The following STAB1 variants were observed in gnomAD, a reference collection of about 807,000 sequenced individuals.
STAB1 encodes stabilin 1.
In STAB1, 250 loss-of-function variants were observed where a neutral mutation model predicts 332.4. The ratio of observed to expected loss-of-function variants is 0.75; its 90% CI spans 0.68 to 0.84. The LOEUF (loss-of-function observed/expected upper bound fraction) is 0.84. Among genes scored for constraint, STAB1 ranks in the 40% least tolerant of loss-of-function variants. STAB1 has a pLI of 0.00. For missense variants in STAB1, 3,249 were observed against 3,489.7 expected, an observed-to-expected ratio of 0.93 and a Z score of 1.74; for synonymous variants, 1,475 against 1,390.4, an observed-to-expected ratio of 1.06 and a Z score of -1.35.
chr3:52,517,702 C>A, intron 44 of STAB1, 78 bp downstream of exon 44: 1 of 1,571,282 alleles, frequency 6.4e-7, no homozygotes, highest in Non-Finnish European at 8.7e-7. Flanking sequence ...TTCTCACCTC[C>A]AGCAGGGTCC....
In STAB1 at chr3:52,505,943, G is replaced by A; in HGVS notation, c.1749+7G>A. The A allele has an allele frequency of 1.9e-6, 3 of 1,613,508 alleles. No homozygotes were observed. The highest frequency in any genetic ancestry group is 2.2e-5 in the South Asian group (2 of 91,082). On this transcript the variant is annotated splice_region_variant and intron_variant, in intron 16 of 68. Coordinates refer to ENST00000321725, the MANE Select transcript of STAB1 (RefSeq NM_015136.3). Reference sequence around the variant, plus strand: ...CATCTACAACCACGGCCAGGTGCGAGGTCTTTTTCTGGGGGGCGGCCAGCT... The same window carrying A: ...CATCTACAACCACGGCCAGGTGCGAAGTCTTTTTCTGGGGGGCGGCCAGCT...
Position 52,512,407 on chromosome 3 carries a change from G to A in STAB1, c.2950G>A (p.Gly984Ser). Residue 984 changes from glycine (G) to serine (S), a missense_variant, in exon 27 of 69, where the codon GGC becomes AGC. Physicochemically the swap from Gly to Ser is moderately conservative, Grantham distance 56. Transcript: ENST00000321725. ...CTCPPGFGGD[G>S]FSCYGDIFRE... is the part of the protein sequence containing the mutation. ...GTGCCCCCCTGGCTTTGGGGGTGAT[G>A]GCTTCAGCTGTTATGGAGACATCTT... The A allele has an allele frequency of 6.2e-7, 1 of 1,610,168 alleles. No homozygotes were observed. The highest frequency in any genetic ancestry group is 8.5e-7 in the Non-Finnish European group (1 of 1,178,790).
chr3:52,498,246 A>G (rs949407939), intron 1 of STAB1, among the ~76,000 whole-genome samples: 1 of 152,160 alleles, frequency 6.6e-6, no homozygotes, highest in Non-Finnish European at 1.5e-5. Context: ...AGACATTGCA[A>G]AATCAGGTCT....
chr3:52,515,114 C>T, intron 36 of STAB1, 69 bp downstream of exon 36: 1 of 1,563,510 alleles, frequency 6.4e-7, no homozygotes, highest in Middle Eastern at 1.7e-4. Flanking sequence ...GTGCCCAATC[C>T]CCTCACCCTC....
rs1484430231 is a variant in STAB1, at chr3:52,507,658, C to T, written c.2035C>T (p.Pro679Ser). The T allele has an allele frequency of 6.2e-7, 1 of 1,613,530 alleles. No individual in the cohort carries two copies. Among genetic ancestry groups the T allele is most frequent in the Non-Finnish European group, 8.5e-7 (1 of 1,180,016 alleles). The change falls in exon 19 of 69, where the codon CCC becomes TCC. Residue 679 changes from proline to serine, a missense_variant. Pro to Ser is a moderately conservative substitution (Grantham distance 74). Transcript: ENST00000321725. ...CQALNTSTCP[P>S]NSVKLDIFPK... is the part of the protein sequence containing the mutation. ...AGCCCTGAACACCAGCACGTGTCCC[C>T]CCAACAGTGTGAAGCTGGTGAGCAC...
chr3:52,523,436 G>A lies in STAB1; in HGVS notation c.7150G>A (p.Gly2384Ser). Residue 2384 changes from glycine (G) to serine (S), a missense_variant, in exon 65 of 69, where the codon GGC becomes AGC. Transcript: ENST00000321725. ...CTTGCTCTGCTCACAGACGCTGAGT[G>A]GCCCAGACTTGGAGCTGCATGCCTC... ...EGFVDNMTLS[G>S]PDLELHASNA... 6.2e-7 allele frequency: 1 copy of A among 1,608,692 alleles called. No individual in the cohort carries two copies. Among genetic ancestry groups the A allele is most frequent in the Non-Finnish European group, 8.5e-7 (1 of 1,177,060 alleles).
Position 52,513,973 on chromosome 3 carries a change from T to G in STAB1, c.3439T>G (p.Leu1147Val). ...LVPAFSLFRE[L>V]LQHHGLVPQI... is the part of the protein sequence containing the mutation. ...GCCTGCCTTCAGCCTCTTCCGGGAA[T>G]TGCTGCAGGTACGGAAGGCTGGCAA... The change falls in exon 32 of 69, where the codon TTG (leucine) becomes GTG (valine). Residue 1147 changes from leucine to valine, a missense_variant. Transcript: ENST00000321725. 6.2e-7 allele frequency: 1 copy of G among 1,600,794 alleles called. No homozygotes were observed. Among genetic ancestry groups the G allele is most frequent in the Non-Finnish European group, 8.5e-7 (1 of 1,170,952 alleles).
At chr3:52,513,581 C>T in intron 30 of STAB1, 136 bp from the exon 31 acceptor site, 1 of 888,046 alleles carries the variant, frequency 1.1e-6, no homozygotes. Context: ...AGCTTCTGTG[C>T]AGAACCCAGC....
Position 52,508,328 on chromosome 3 carries a change from G to A in STAB1, c.2204G>A (p.Gly735Asp), listed in dbSNP as rs1217431452. 2 of 1,613,846 alleles carry A rather than the reference G, an allele frequency of 1.2e-6. No individual in the cohort carries two copies. The highest frequency in any genetic ancestry group is 2.7e-5 in the African/African-American group (2 of 74,924). Residue 735 changes from glycine to aspartate, a missense_variant, in exon 21 of 69, where the codon GGC becomes GAC. Physicochemically the swap from Gly to Asp is moderately conservative, Grantham distance 94. Transcript: ENST00000321725. ...FGPDCTQCPG[G>D]FSNPCYGKGN... is the part of the protein sequence containing the mutation. ...CCTGACTGCACGCAGTGTCCTGGGG[G>A]CTTCTCCAACCCCTGCTATGGCAAA... is the stretch of plus-strand genomic sequence containing the variant.
In STAB1 at chr3:52,499,999, G is replaced by C. The variant is rs1041056687; in HGVS notation, c.79-1167G>C. Among the ~76,000 whole-genome samples the C allele has an allele frequency of 2.0e-5, 3 of 150,094 alleles. No homozygotes were observed. The Admixed American group carries it at 2.0e-4, about 10-fold the overall frequency. On this transcript the variant is annotated intron_variant, in intron 1 of 68. Coordinates refer to ENST00000321725, the MANE Select transcript of STAB1 (RefSeq NM_015136.3). ...GAGGCAGGAGGATCGCCTGAGCCCA[G>C]GAGTTCAAGATTACAGTGAGCTAGG... is the stretch of plus-strand genomic sequence containing the variant.
intron 1 of STAB1, among the ~76,000 whole-genome samples, chr3:52,496,896 C>G (rs1708068580): frequency 6.6e-6 from 1 of 152,238 alleles, no homozygotes; most frequent in Non-Finnish European, 1.5e-5. Flanking sequence ...CCGAGAGCCA[C>G]TGTAAGTGCA....
chr3:52,506,628 T>C (rs1708889275), intron 17 of STAB1, 64 bp from the exon 18 acceptor site: 5 of 1,509,296 alleles, frequency 3.3e-6, no homozygotes, highest in Non-Finnish European at 3.6e-6. Flanking sequence ...GGGGTGGAGG[T>C]GGGCAGCCCC....
At chr3:52,519,673 C>CGTGTGAGCCT (rs1338206530) in intron 50 of STAB1, 109 bp downstream of exon 50, 20 of 1,468,782 alleles carry the variant, frequency 1.4e-5, no homozygotes, top group Non-Finnish European at 1.8e-5. Flanking sequence ...CACACTGTCC[C>CGTGTGAGCCT]GTGTGAGCCT....
At chr3:52,506,915 C>T in intron 18 of STAB1, 65 bp downstream of exon 18, 1 of 1,580,340 alleles carries the variant, frequency 6.3e-7, no homozygotes, top group Non-Finnish European at 8.6e-7. Context: ...AGCGGCAATC[C>T]TCTTCCCAGG....
Position 52,519,957 on chromosome 3 carries a change from T to C in STAB1, c.5249T>C (p.Leu1750Pro). The change falls in exon 51 of 69, where the codon CTG (leucine) becomes CCG (proline). Residue 1750 changes from leucine (L) to proline (P), a missense_variant. Physicochemically the swap from Leu to Pro is moderately conservative, Grantham distance 98. Transcript: ENST00000321725. ...GCACCCCACCAGGTGGCCGGCCTCC[T>C]GCCCCTGCTTCGAGAGGCATCCCAT... ...FSGLLKVAGL[L>P]PLLREASHRP... The C allele has an allele frequency of 1.9e-6, 3 of 1,583,964 alleles. No individual in the cohort carries two copies. In the South Asian group the frequency reaches 3.4e-5, roughly 18 times the overall value.
intron 55 of STAB1, 117 bp from the exon 56 acceptor site, chr3:52,521,244 C>A (rs898626946): frequency 6.9e-7 from 1 of 1,440,424 alleles, no homozygotes; most frequent in Non-Finnish European, 9.5e-7. Context: ...CTGGAGGGAT[C>A]TTAGCAGTGG....
In STAB1 at chr3:52,521,659, G is replaced by C. The variant is rs756864968; in HGVS notation, c.6122G>C (p.Cys2041Ser). 1 of 1,613,010 alleles carries C rather than the reference G, an allele frequency of 6.2e-7. No homozygotes were observed. The highest frequency in any genetic ancestry group is 8.5e-7 in the Non-Finnish European group (1 of 1,179,922). Reference sequence around the variant, plus strand: ...CTTGGGGGCTCTGGCTCCTGCTTCTGTGATGAAGGCTGGACTGGGCCACGC... The same window carrying C: ...CTTGGGGGCTCTGGCTCCTGCTTCTCTGATGAAGGCTGGACTGGGCCACGC... Reference protein sequence around the residue: ...EGLGGSGSCFCDEGWTGPRCE... With the variant: ...EGLGGSGSCFSDEGWTGPRCE... The change falls in exon 57 of 69, where the codon TGT (cysteine) becomes TCT (serine). Residue 2041 changes from cysteine to serine, a missense_variant. Cys to Ser is a moderately radical substitution (Grantham distance 112, BLOSUM62 -1). Coordinates refer to ENST00000321725, the MANE Select transcript of STAB1 (RefSeq NM_015136.3).
In STAB1 at chr3:52,520,136, A is replaced by G. The variant is rs1333303718; in HGVS notation, c.5412+16A>G. 1 of 1,610,666 alleles carries G rather than the reference A, an allele frequency of 6.2e-7. No individual in the cohort carries two copies. The highest frequency in any genetic ancestry group is 1.7e-5 in the Admixed American group (1 of 59,906). ...CAATGTCGAGGTGGGTGCAGCCCCC[A>G]ACCTTGGTCTTCACTGCCTGCAGCT... is the stretch of plus-strand genomic sequence containing the variant. On this transcript the variant is annotated intron_variant, in intron 51 of 68. Transcript: ENST00000321725.
intron 8 of STAB1, 98 bp from the exon 9 acceptor site, chr3:52,503,674 C>T: frequency 6.3e-7 from 1 of 1,576,088 alleles, no homozygotes; most frequent in Non-Finnish European, 8.6e-7. Context: ...TAAGGGTCCT[C>T]TTCAGGGAGG....
Sources: allele counts gnomAD v4.1 joint callset (sites outside exome capture counted in the v4.1 genomes callset), GRCh38; gene constraint gnomAD v4.1.1; transcripts MANE v1.5; gene names NCBI Gene and HGNC (gene_info 2026-07-23, HGNC 2026-07-21).